Variants in MYCBP2 observed in about 807,000 individuals in gnomAD.
The protein encoded by MYCBP2 is E3 ubiquitin-protein ligase MYCBP2.
A neutral mutation model predicts 525.3 loss-of-function variants in MYCBP2; 120 were observed. That is an observed-to-expected ratio of 0.23 (90% CI 0.20 to 0.27). The LOEUF (loss-of-function observed/expected upper bound fraction) is 0.27. Among genes scored for constraint, MYCBP2 ranks in the 10% least tolerant of loss-of-function variants. MYCBP2 has a pLI of 1.00. For synonymous variants in MYCBP2, 1,894 were observed against 1,955.8 expected, an observed-to-expected ratio of 0.97 and a Z score of 0.83; for missense variants, 4,149 against 5,657.1, an observed-to-expected ratio of 0.73 and a Z score of 8.55.
At position 77,261,385 on chromosome 13, in the gene MYCBP2, T is replaced by TAAAA; in HGVS notation, c.1648-14_1648-11dup. ...TGCCAGTGTAATATATCTTATGTAT[T>TAAAA]AAAAAAAAAAAGGAATTATGGTACT... On this transcript the variant is annotated splice_polypyrimidine_tract_variant and intron_variant, in intron 11 of 82. Coordinates refer to ENST00000544440, the MANE Select transcript of MYCBP2 (RefSeq NM_015057.5). The TAAAA allele has an allele frequency of 2.4e-6, 3 of 1,258,614 alleles. No individual in the cohort carries two copies. Among genetic ancestry groups the TAAAA allele is most frequent in the Admixed American group, 2.3e-5 (1 of 42,928 alleles). 78.0% of individuals were successfully genotyped at this position (1,258,614 alleles called of 1,614,324 possible).
At chr13:77,143,914 T>C (rs1309655491) in intron 49 of MYCBP2, among the ~76,000 whole-genome samples, 3 of 152,224 alleles carry the variant, frequency 2.0e-5, no homozygotes, top group Admixed American at 6.5e-5. Context: ...GAAAATCTTA[T>C]AGGACCACCA....
chr13:77,070,214 T>C (rs1362931603), intron 69 of MYCBP2, among the ~76,000 whole-genome samples: 6 of 152,180 alleles, frequency 3.9e-5, no homozygotes, highest in Non-Finnish European at 8.8e-5. Context: ...AAAATACTCA[T>C]TCCTCTCTAA....
chr13:77,125,463 G>A lies in MYCBP2; in HGVS notation c.7890C>T (p.Thr2630=), dbSNP rs1475989602. The A allele has an allele frequency of 6.2e-7, 1 of 1,612,854 alleles. No individual in the cohort carries two copies. Among genetic ancestry groups the A allele is most frequent in the African/African-American group, 1.3e-5 (1 of 74,828 alleles). The change falls in exon 54 of 83, where the codon ACC becomes ACT. Residue 2630 remains threonine (T), a synonymous_variant. Coordinates refer to ENST00000544440, the MANE Select transcript of MYCBP2 (RefSeq NM_015057.5). ...GNKVKAVGEV[T]NSEGTWVQLD... ...GTTGCACCCATGTCCCTTCAGAATT[G>A]GTTACCTGGTACATAACAAAAAGCA... is the stretch of plus-strand genomic sequence containing the variant.
At chr13:77,235,469 T>C (rs895738418) in intron 17 of MYCBP2, among the ~76,000 whole-genome samples, 1 of 152,062 alleles carries the variant, frequency 6.6e-6, no homozygotes, top group Admixed American at 6.5e-5. Context: ...TTTTACAGAG[T>C]ATATGTGATG....
At chr13:77,305,905 A>T (rs2079360357) in intron 1 of MYCBP2, among the ~76,000 whole-genome samples, 1 of 152,152 alleles carries the variant, frequency 6.6e-6, no homozygotes. Context: ...GATTATCTAT[A>T]AAAAACCTAC....
chr13:77,176,724 TTC>T, intron 35 of MYCBP2, 96 bp from the exon 36 acceptor site: 1 of 1,028,186 alleles, frequency 9.7e-7, no homozygotes, highest in South Asian at 3.7e-5. Flanking sequence ...AAAATTTATT[TTC>T]TTGAATATAA....
At position 77,211,156 on chromosome 13, in the gene MYCBP2, G is replaced by A. The variant is rs374147981; in HGVS notation, c.3416+11C>T. On this transcript the variant is annotated intron_variant, in intron 23 of 82. Transcript: ENST00000544440. ...AAACTTATTGACTATTTTATAAACT[G>A]AGATGCTTACCTCCAAATTACATCA... 7.1e-5 allele frequency: 101 copies of A among 1,424,414 alleles called. No homozygotes were observed. The highest frequency in any genetic ancestry group is 9.2e-5 in the Non-Finnish European group (100 of 1,083,242). 88.2% of individuals were successfully genotyped at this position (1,424,414 alleles called of 1,614,324 possible). A position where few individuals can be genotyped will look rare whatever the true frequency, so the allele number is the denominator to read the frequency against.
chr13:77,315,139 G>A (rs535342755), intron 1 of MYCBP2, among the ~76,000 whole-genome samples: 2 of 152,156 alleles, frequency 1.3e-5, no homozygotes, highest in East Asian at 1.9e-4. Context: ...ATTAAAGAAC[G>A]TGAATTTGTC....
intron 26 of MYCBP2, among the ~76,000 whole-genome samples, chr13:77,201,682 T>C (rs1325139577): frequency 1.3e-5 from 2 of 151,580 alleles, no homozygotes; most frequent in South Asian, 4.2e-4. Flanking sequence ...ACAGAAATTA[T>C]AACAAACTGT....
intron 32 of MYCBP2, among the ~76,000 whole-genome samples, chr13:77,184,531 C>G (rs772593521): frequency 6.6e-6 from 1 of 152,168 alleles, no homozygotes; most frequent in Admixed American, 6.5e-5. Context: ...CAGTACTGTT[C>G]AAATCTGCAT....
chr13:77,297,793 A>G (rs953595186), intron 1 of MYCBP2, among the ~76,000 whole-genome samples: 1 of 152,228 alleles, frequency 6.6e-6, no homozygotes, highest in African/African-American at 2.4e-5. Flanking sequence ...AAATCAAAAT[A>G]ATCACAAAAT....
intron 62 of MYCBP2, 96 bp from the exon 63 acceptor site, chr13:77,083,288 A>G (rs2043619821): frequency 8.7e-7 from 1 of 1,149,958 alleles, no homozygotes; most frequent in African/African-American, 1.6e-5. Flanking sequence ...TGGTCATGTA[A>G]CAGAAATACA....
chr13:77,131,588 A>ATG (rs1193196073), intron 52 of MYCBP2, among the ~76,000 whole-genome samples: 1 of 152,164 alleles, frequency 6.6e-6, no homozygotes, highest in African/African-American at 2.4e-5. Context: ...GTCTAAAGAT[A>ATG]TGAACATTCA....
At chr13:77,251,086 C>T in intron 15 of MYCBP2, 65 bp downstream of exon 15, 1 of 1,491,604 alleles carries the variant, frequency 6.7e-7, no homozygotes, top group Non-Finnish European at 9.2e-7. Flanking sequence ...AGAGTATACT[C>T]CGGAATGATT....
chr13:77,221,366 G>A lies in MYCBP2; in HGVS notation c.2939+3085C>T, dbSNP rs144436188. ...CAGGACCACGAAGTAATGTTTTTAG[G>A]TAATCTCTTCATTTTAAAAGCTGAC... On this transcript the variant is annotated intron_variant, in intron 20 of 82. Transcript: ENST00000544440. Among the ~76,000 whole-genome samples the A allele has an allele frequency of 2.7e-4, 41 of 152,204 alleles. No homozygotes were observed. The East Asian group carries it at 6.9e-3, about 26-fold the overall frequency.
In MYCBP2 at chr13:77,251,055, T is replaced by C. The variant is rs1463416888; in HGVS notation, c.2381+96A>G. ...ATCAAGTGAAGATGCCACTGGTCTT[T>C]AAGAAAAAAATATTAATAGTAGAGT... On this transcript the variant is annotated intron_variant, in intron 15 of 82. Transcript: ENST00000544440. 5.4e-6 allele frequency: 6 copies of C among 1,117,496 alleles called. No individual in the cohort carries two copies. In the East Asian group the frequency reaches 1.3e-4, roughly 24 times the overall value. 69.2% of individuals were successfully genotyped at this position (1,117,496 alleles called of 1,614,324 possible).
At chr13:77,146,617 C>CA (rs2055616588) in intron 47 of MYCBP2, among the ~76,000 whole-genome samples, 1 of 151,666 alleles carries the variant, frequency 6.6e-6, no homozygotes, top group Non-Finnish European at 1.5e-5. Flanking sequence ...TAAACAACAA[C>CA]AAAAAAAGAC....
chr13:77,058,589 GT>G lies in MYCBP2; in HGVS notation c.13141-184del, dbSNP rs879572640. Among the ~76,000 whole-genome samples, 60 of 145,382 alleles carry G rather than the reference GT, an allele frequency of 4.1e-4. No homozygotes were observed. Among genetic ancestry groups the G allele is most frequent in the African/African-American group, 6.0e-4 (24 of 39,868 alleles). Reference sequence around the variant, plus strand: ...AATATAAATTAGGCTTCTTAACAAAGTTTTTTTTTTTTGATGCGATTTTTAA... The same window carrying G: ...AATATAAATTAGGCTTCTTAACAAAGTTTTTTTTTTTGATGCGATTTTTAA... On this transcript the variant is annotated intron_variant, in intron 77 of 82. Coordinates refer to ENST00000544440, the MANE Select transcript of MYCBP2 (RefSeq NM_015057.5). The surrounding 1 kb of genome is among the most constrained non-coding windows in gnomAD (Gnocchi z 4.1).
chr13:77,212,548 A>G (rs1396411630), intron 21 of MYCBP2, among the ~76,000 whole-genome samples: 5 of 152,222 alleles, frequency 3.3e-5, no homozygotes, highest in South Asian at 2.1e-4. Flanking sequence ...TAGTAAGTTG[A>G]TAGTATAAAA....
Sources: allele counts gnomAD v4.1 joint callset (sites outside exome capture counted in the v4.1 genomes callset), GRCh38; gene constraint gnomAD v4.1.1; non-coding constraint Gnocchi (gnomAD v3.1); transcripts MANE v1.5; gene names NCBI Gene and HGNC (gene_info 2026-07-23, HGNC 2026-07-21).